Variants in SLC25A21 observed in about 807,000 individuals in gnomAD.
SLC25A21 encodes mitochondrial 2-oxodicarboxylate carrier.
A neutral mutation model predicts 43.8 loss-of-function variants in SLC25A21; 47 were observed. That is an observed-to-expected ratio of 1.07 (90% CI 0.85 to 1.37). The LOEUF is 1.37. Among genes scored for constraint, SLC25A21 ranks in the 40% most tolerant of loss-of-function variants. SLC25A21 has a pLI of 0.00. For missense variants in SLC25A21, 352 were observed against 350.2 expected (o/e 1.00, Z -0.04); for synonymous variants, 131 against 121.3 (o/e 1.08, Z -0.52).
intron 1 of SLC25A21, among the ~76,000 whole-genome samples, chr14:37,143,978 T>G (rs1963616898): frequency 6.6e-6 from 1 of 152,184 alleles, no homozygotes; most frequent in South Asian, 2.1e-4. Context: ...AAAGTCAAAT[T>G]CAGCAGTTAT....
intron 1 of SLC25A21, among the ~76,000 whole-genome samples, chr14:37,098,794 TAGA>T (rs1962758302): frequency 1.8e-5 from 2 of 111,948 alleles, no homozygotes; most frequent in East Asian, 7.2e-4. Context: ...GACAGATAGA[TAGA>T]TAGATAGATT....
At chr14:36,894,243 G>A (rs1891171642) in intron 1 of SLC25A21, among the ~76,000 whole-genome samples, 1 of 152,110 alleles carries the variant, frequency 6.6e-6, no homozygotes, top group African/African-American at 2.4e-5. Context: ...TCTCCTTGAG[G>A]AGGTCCTTCA....
intron 1 of SLC25A21, among the ~76,000 whole-genome samples, chr14:36,986,958 C>T (rs1198353685): frequency 6.6e-6 from 1 of 151,952 alleles, no homozygotes; most frequent in South Asian, 2.1e-4. Flanking sequence ...TGATTTTTCC[C>T]TAAATTACAA....
intron 3 of SLC25A21, 78 bp from the exon 4 acceptor site, chr14:36,734,651 A>C (rs1884961390): frequency 2.8e-6 from 3 of 1,088,900 alleles, no homozygotes; most frequent in Non-Finnish European, 4.1e-6. Flanking sequence ...AGATAATCCT[A>C]AAGTATTCCC....
At chr14:37,027,901 A>G (rs1349057303) in intron 1 of SLC25A21, among the ~76,000 whole-genome samples, 2 of 152,204 alleles carry the variant, frequency 1.3e-5, no homozygotes, top group Non-Finnish European at 2.9e-5. Context: ...AAAAAACTCT[A>G]GAAACGTAAT....
intron 3 of SLC25A21, among the ~76,000 whole-genome samples, chr14:36,789,888 A>T (rs1342748189): frequency 3.4e-5 from 4 of 117,248 alleles, no homozygotes; most frequent in Non-Finnish European, 5.1e-5. Flanking sequence ...ATTTATATAA[A>T]ATATATATTA....
intron 3 of SLC25A21, among the ~76,000 whole-genome samples, chr14:36,765,314 G>A (rs1886372873): frequency 6.6e-6 from 1 of 152,228 alleles, no homozygotes; most frequent in Non-Finnish European, 1.5e-5. Context: ...CACATTGGAA[G>A]TGATCATCTA....
intron 1 of SLC25A21, among the ~76,000 whole-genome samples, chr14:37,138,359 C>T (rs1963518279): frequency 6.6e-6 from 1 of 152,078 alleles, no homozygotes; most frequent in Non-Finnish European, 1.5e-5. Context: ...AAGATATGGC[C>T]TTTATGCCAT....
chr14:36,764,961 G>A (rs952606271), intron 3 of SLC25A21, among the ~76,000 whole-genome samples: 8 of 152,222 alleles, frequency 5.3e-5, no homozygotes, highest in Non-Finnish European at 1.0e-4. Context: ...GAACAGATAA[G>A]CATTTTGAGC....
chr14:36,781,782 T>A (rs1887071937), intron 3 of SLC25A21, among the ~76,000 whole-genome samples: 2 of 152,208 alleles, frequency 1.3e-5, no homozygotes, highest in Admixed American at 1.3e-4. Context: ...TGCATCACCA[T>A]TACAGTATTG....
At chr14:37,060,877 G>A (rs1961933967) in intron 1 of SLC25A21, among the ~76,000 whole-genome samples, 4 of 152,212 alleles carry the variant, frequency 2.6e-5, no homozygotes, top group Non-Finnish European at 5.9e-5. Context: ...GGGTTAAGAT[G>A]ATGGTACCAG....
intron 2 of SLC25A21, among the ~76,000 whole-genome samples, chr14:36,862,102 G>A (rs1028788016): frequency 2.0e-5 from 3 of 152,068 alleles, no homozygotes; most frequent in Admixed American, 6.6e-5. Flanking sequence ...TTGAAAAGTC[G>A]GGAAACAACA....
chr14:36,978,667 T>C (rs991650907), intron 1 of SLC25A21, among the ~76,000 whole-genome samples: 4 of 152,224 alleles, frequency 2.6e-5, no homozygotes, highest in African/African-American at 9.6e-5. Context: ...AATACTCACA[T>C]AGTTTTAGTA....
chr14:36,897,336 A>G (rs542066361), intron 1 of SLC25A21, among the ~76,000 whole-genome samples: 2 of 152,190 alleles, frequency 1.3e-5, no homozygotes, highest in African/African-American at 4.8e-5. Flanking sequence ...CGAATCGGCT[A>G]CTGAGGCTTG....
chr14:36,971,932 AGAG>A (rs1280454961), intron 1 of SLC25A21, among the ~76,000 whole-genome samples: 1 of 152,194 alleles, frequency 6.6e-6, no homozygotes, highest in Non-Finnish European at 1.5e-5. Context: ...TGTGTTAAGA[AGAG>A]GACACAAATA....
intron 1 of SLC25A21, among the ~76,000 whole-genome samples, chr14:36,980,220 T>C (rs1234711986): frequency 6.6e-6 from 1 of 152,226 alleles, no homozygotes; most frequent in Non-Finnish European, 1.5e-5. Flanking sequence ...GACAAGTATG[T>C]GTCTTGGAGT....
At chr14:36,713,926 G>T (rs1884002294) in intron 6 of SLC25A21, among the ~76,000 whole-genome samples, 1 of 152,120 alleles carries the variant, frequency 6.6e-6, no homozygotes, top group Non-Finnish European at 1.5e-5. Context: ...GGCCTGGAAG[G>T]TGAGGCTGCA....
intron 1 of SLC25A21, among the ~76,000 whole-genome samples, chr14:36,931,623 A>T (rs1892294110): frequency 1.3e-5 from 2 of 152,258 alleles, no homozygotes; most frequent in South Asian, 4.1e-4. Flanking sequence ...GAAGGGGAAC[A>T]TTATTGGGGT....
chr14:36,729,741 C>T (rs1884747673), intron 4 of SLC25A21, among the ~76,000 whole-genome samples, 175 bp from the exon 5 acceptor site: 1 of 152,222 alleles, frequency 6.6e-6, no homozygotes, highest in Non-Finnish European at 1.5e-5. Flanking sequence ...CTTTCTTTAA[C>T]ATTCACAGTT....
Sources: gnomAD v4.1 joint callset for allele counts (sites outside exome capture counted in the v4.1 genomes callset) on GRCh38, gnomAD v4.1.1 for gene constraint, MANE v1.5 for transcripts, NCBI Gene and HGNC (gene_info 2026-07-23, HGNC 2026-07-21) for gene names.